PARD3: variants seen among roughly 807,000 people sequenced by gnomAD.
PARD3 encodes the protein partitioning defective 3 homolog.
A neutral mutation model predicts 155.4 loss-of-function variants in PARD3; 75 were observed. The observed-to-expected ratio is 0.48, with a 90% CI of 0.40 to 0.58. The LOEUF (loss-of-function observed/expected upper bound fraction) is 0.58, where lower values mean the gene tolerates loss of function less well. Ranked by LOEUF, PARD3 falls within the 20% of genes least tolerant of loss-of-function variation. The pLI, the probability that PARD3 is intolerant of heterozygous loss-of-function variation, is 0.00. For missense variants in PARD3, 1,642 were observed against 1,721.7 expected (o/e 0.95, Z 0.82); for synonymous variants, 576 against 610.5 (o/e 0.94, Z 0.83).
intron 22 of PARD3, among the ~76,000 whole-genome samples, chr10:34,224,815 T>C (rs1388183422): frequency 6.6e-6 from 1 of 152,204 alleles, no homozygotes; most frequent in Non-Finnish European, 1.5e-5. Context: ...CCTGGAGCAC[T>C]TATCCATCAT....
At position 34,510,494 on chromosome 10, in the gene PARD3, TCACA is replaced by T. The variant is rs1456911324; in HGVS notation, c.403+6481_403+6484del. 8.5e-5 allele frequency among the ~76,000 whole-genome samples: 13 copies of T among 152,344 alleles called. 1 individual carries two copies. The highest frequency in any genetic ancestry group is 3.1e-4 in the African/African-American group (13 of 41,578). Reference sequence around the variant, plus strand: ...ATTTTGATCTATTATATATTAATAATCACACAGTACTATATTTAAAATTTTAATG... The same window carrying T: ...ATTTTGATCTATTATATATTAATAATCAGTACTATATTTAAAATTTTAATG... On this transcript the variant is annotated intron_variant, in intron 3 of 24. Transcript: ENST00000374788.
intron 3 of PARD3, among the ~76,000 whole-genome samples, chr10:34,500,858 CAA>C (rs1000762018): frequency 2.0e-5 from 3 of 152,074 alleles, no homozygotes; most frequent in African/African-American, 7.2e-5. Flanking sequence ...AGAGCTTGAA[CAA>C]GAGAGAGTAC....
intron 2 of PARD3, among the ~76,000 whole-genome samples, chr10:34,686,002 A>C (rs1032584072): frequency 1.3e-5 from 2 of 152,204 alleles, no homozygotes; most frequent in Non-Finnish European, 2.9e-5. Flanking sequence ...CCATTTTTGC[A>C]TGTAAAACAC....
chr10:34,304,307 G>A (rs748187781), intron 20 of PARD3, among the ~76,000 whole-genome samples: 10 of 150,670 alleles, frequency 6.6e-5, no homozygotes, highest in Non-Finnish European at 1.5e-4. Context: ...ACCAGCCAGG[G>A]CAACAAAGTG....
chr10:34,405,695 CAGA>C (rs1054410801), intron 5 of PARD3, among the ~76,000 whole-genome samples: 7 of 152,114 alleles, frequency 4.6e-5, no homozygotes, highest in African/African-American at 1.7e-4. Context: ...TGGCAGAAGG[CAGA>C]AGATTCCTGG....
At chr10:34,398,735 C>A (rs552444935) in intron 7 of PARD3, among the ~76,000 whole-genome samples, 2 of 152,254 alleles carry the variant, frequency 1.3e-5, no homozygotes, top group East Asian at 3.9e-4. Context: ...ATCAAGGAAA[C>A]TGACATAACA....
chr10:34,156,224 C>T (rs903541442), intron 22 of PARD3, among the ~76,000 whole-genome samples: 2 of 152,154 alleles, frequency 1.3e-5, no homozygotes, highest in Non-Finnish European at 2.9e-5. Flanking sequence ...CTTCCTGCCT[C>T]GGCCTCCCAA....
intron 2 of PARD3, among the ~76,000 whole-genome samples, chr10:34,566,488 C>T (rs2085951867): frequency 6.6e-6 from 1 of 152,202 alleles, no homozygotes; most frequent in African/African-American, 2.4e-5. Flanking sequence ...GACTAAAATG[C>T]ATGGTAAATA....
chr10:34,718,139 G>C (rs1218239539), intron 1 of PARD3, among the ~76,000 whole-genome samples: 3 of 122,852 alleles, frequency 2.4e-5, no homozygotes, highest in Non-Finnish European at 1.6e-5. Flanking sequence ...GGGTAACAGA[G>C]ACTCCATCTC....
At chr10:34,528,066 T>A (rs12248092) in intron 2 of PARD3, among the ~76,000 whole-genome samples, 4,439 of 152,286 alleles carry the variant, frequency 0.029, 222 homozygotes, top group African/African-American at 0.1. Flanking sequence ...GCAATGTTTT[T>A]AAAAAACTGA....
At chr10:34,345,535 C>T in intron 15 of PARD3, 1 of 985,304 alleles carries the variant, frequency 1.0e-6, no homozygotes, top group African/African-American at 1.7e-5. Flanking sequence ...AGAAGACAAT[C>T]ATTAACCAAA....
At chr10:34,354,143 C>CA (rs1049942276) in intron 14 of PARD3, among the ~76,000 whole-genome samples, 2,132 of 134,744 alleles carry the variant, frequency 0.016, 34 homozygotes, top group African/African-American at 0.047. Flanking sequence ...AAAAAAAAAA[C>CA]AAAAAAAAAA....
At chr10:34,643,443 C>A (rs998474171) in intron 2 of PARD3, among the ~76,000 whole-genome samples, 1 of 152,252 alleles carries the variant, frequency 6.6e-6, no homozygotes, top group African/African-American at 2.4e-5. Context: ...ACAATAGTGC[C>A]TCTATGGCCA....
chr10:34,573,572 C>T (rs866023863), intron 2 of PARD3, among the ~76,000 whole-genome samples: 2 of 152,040 alleles, frequency 1.3e-5, no homozygotes, highest in Middle Eastern at 3.4e-3. Flanking sequence ...CCAGGCCTGG[C>T]GGCAGGCACC....
intron 20 of PARD3, among the ~76,000 whole-genome samples, chr10:34,311,338 A>T (rs1957687179): frequency 6.6e-6 from 1 of 152,074 alleles, no homozygotes; most frequent in African/African-American, 2.4e-5. Context: ...CTGTGCCTGG[A>T]ATTACAGGTG....
At chr10:34,674,061 A>G (rs1350025943) in intron 2 of PARD3, among the ~76,000 whole-genome samples, 2 of 151,758 alleles carry the variant, frequency 1.3e-5, no homozygotes, top group African/African-American at 4.8e-5. Context: ...GTAGTTTTCT[A>G]ACACAGCACT....
intron 5 of PARD3, among the ~76,000 whole-genome samples, chr10:34,411,525 C>T (rs777252899): frequency 1.3e-5 from 2 of 152,076 alleles, no homozygotes; most frequent in Non-Finnish European, 2.9e-5. Context: ...AGCTGAGATA[C>T]TGGTCTTTTC....
chr10:34,595,075 A>G (rs527765296), intron 2 of PARD3, among the ~76,000 whole-genome samples: 1 of 152,328 alleles, frequency 6.6e-6, no homozygotes, highest in South Asian at 2.1e-4. Context: ...CAAACAACCA[A>G]ACTTGAGACT....
chr10:34,706,263 G>A (rs547361517), intron 1 of PARD3, among the ~76,000 whole-genome samples: 18 of 152,238 alleles, frequency 1.2e-4, no homozygotes, highest in African/African-American at 2.6e-4. Flanking sequence ...ATAAATAGCC[G>A]GCAAGAGGTC....
Sources: gnomAD v4.1 joint callset for allele counts (sites outside exome capture counted in the v4.1 genomes callset) on GRCh38, gnomAD v4.1.1 for gene constraint, MANE v1.5 for transcripts, NCBI Gene and HGNC (gene_info 2026-07-23, HGNC 2026-07-21) for gene names.